The following GRB7 variants were observed in gnomAD, a reference collection of about 807,000 sequenced individuals.
GRB7 encodes growth factor receptor bound protein 7.
GRB7 carries 47 observed loss-of-function variants against 64.1 expected under a neutral mutation model. That is an observed-to-expected ratio of 0.73 (90% CI 0.58 to 0.94). The LOEUF (loss-of-function observed/expected upper bound fraction) is 0.94. GRB7 is among the 40% of genes least tolerant of loss of function. GRB7 has a pLI of 0.00. For synonymous variants in GRB7, 277 were observed against 279.9 expected, an observed-to-expected ratio of 0.99 and a Z score of 0.10; for missense variants, 634 against 718.4, an observed-to-expected ratio of 0.88 and a Z score of 1.34.
At chr17:39,738,634 C>A in intron 1 of GRB7, 1 of 325,660 alleles carries the variant, frequency 3.1e-6, no homozygotes, top group African/African-American at 2.1e-5. Context: ...GGAAGGAAGA[C>A]CTGATTCTCT....
chr17:39,744,770 T>C, intron 8 of GRB7, 107 bp downstream of exon 8: 1 of 1,294,004 alleles, frequency 7.7e-7, no homozygotes, highest in East Asian at 2.4e-5. Flanking sequence ...CCTAGACTCC[T>C]CTCCCTGCAC....
chr17:39,738,968 A>G (rs768940394), intron 1 of GRB7: 1 of 1,473,524 alleles, frequency 6.8e-7, no homozygotes, highest in South Asian at 1.2e-5. Flanking sequence ...ATGGGCAGGA[A>G]GGCTGGAGGG....
Position 39,744,890 on chromosome 17 carries a change from A to T in GRB7, c.917A>T (p.Asn306Ile). The T allele has an allele frequency of 6.2e-7, 1 of 1,613,826 alleles. No individual in the cohort carries two copies. The highest frequency in any genetic ancestry group is 1.3e-5 in the African/African-American group (1 of 75,044). Residue 306 changes from asparagine (N) to isoleucine (I), a missense_variant, in exon 9 of 15, where the codon AAC becomes ATC. Around this residue, in one of 2 missense-constraint regions of GRB7, gnomAD observed 467 missense variants for 576.6 expected, o/e 0.81. Transcript: ENST00000309156. ...PTDFGFCVKP[N>I]KLRNGHKGLR... ...GTCAATTTCCTCTCTCTGCAGCCCA[A>T]CAAGCTTCGAAATGGCCACAAGGGG...
intron 6 of GRB7, 52 bp from the exon 7 acceptor site, chr17:39,744,018 G>A: frequency 1.3e-6 from 2 of 1,597,806 alleles, no homozygotes; most frequent in Non-Finnish European, 8.5e-7. Context: ...GGTGGTAGAG[G>A]GGAAGGGAGG....
Position 39,737,962 on chromosome 17 carries a change from A to T in GRB7, c.-222A>T, listed in dbSNP as rs975507048. On this transcript the variant is annotated 5_prime_UTR_variant, in exon 1 of 15. Coordinates refer to ENST00000309156, the MANE Select transcript of GRB7 (RefSeq NM_005310.5). ...TAGTTTCCTTGGGCCTGGAATCTGG[A>T]CACACAGGGCTCCCCCCCGCCTCTG... The T allele has an allele frequency of 6.6e-6, 1 of 152,186 alleles. No individual in the cohort carries two copies. Among genetic ancestry groups the T allele is most frequent in the Non-Finnish European group, 1.5e-5 (1 of 68,052 alleles). 9.4% of individuals were successfully genotyped at this position (152,186 alleles called of 1,614,324 possible). A position where few individuals can be genotyped will look rare whatever the true frequency, so the allele number is the denominator to read the frequency against.
intron 1 of GRB7, chr17:39,738,919 G>A (rs1425862245): frequency 6.5e-7 from 1 of 1,535,202 alleles, no homozygotes. Flanking sequence ...GGAAAGTGGA[G>A]GCCGGGTGAG....
Position 39,746,896 on chromosome 17 carries a change from G to A in GRB7, c.1598G>A (p.Ter533=), listed in dbSNP as rs143497180. The change falls in exon 15 of 15, where the codon TGA becomes TAA. Residue 533 remains the stop codon, a stop_retained_variant. Coordinates refer to ENST00000309156, the MANE Select transcript of GRB7 (RefSeq NM_005310.5). ...LRHCCTRVAL[*] ...CATTGCTGCACGCGGGTGGCCCTCTGACCAGGCCGTGGACTGGCTCATGCC... is the reference window on the plus strand; with the variant it reads ...CATTGCTGCACGCGGGTGGCCCTCTAACCAGGCCGTGGACTGGCTCATGCC... The A allele has an allele frequency of 1.2e-6, 2 of 1,605,962 alleles. No individual in the cohort carries two copies. Among genetic ancestry groups the A allele is most frequent in the Non-Finnish European group, 1.7e-6 (2 of 1,179,216 alleles).
intron 1 of GRB7, chr17:39,738,953 A>C: frequency 1.0e-5 from 16 of 1,528,574 alleles, no homozygotes; most frequent in Non-Finnish European, 1.4e-5. Context: ...TGGCTTCAGC[A>C]TGAAATGGGC....
rs369490536 is a variant in GRB7 at position 39,746,132 on chromosome 17, A to C, written c.1382A>C (p.Gln461Pro). 1 of 1,613,986 alleles carries C rather than the reference A, an allele frequency of 6.2e-7. No individual in the cohort carries two copies. The highest frequency in any genetic ancestry group is 1.7e-5 in the Admixed American group (1 of 59,996). ...AGCCTGTTCCTGGTCCGGGAGAGTC[A>C]GCGGAACCCCCAGGGCTTTGTCCTC... ...VDGLFLVRES[Q>P]RNPQGFVLSL... is the part of the protein sequence containing the mutation. Residue 461 changes from glutamine to proline, a missense_variant, in exon 14 of 15, where the codon CAG becomes CCG. Gln to Pro is a moderately conservative substitution (Grantham distance 76). Transcript: ENST00000309156.
At chr17:39,746,579 A>T (rs930031093) in intron 14 of GRB7, among the ~76,000 whole-genome samples, 172 bp from the exon 15 acceptor site, 1 of 151,788 alleles carries the variant, frequency 6.6e-6, no homozygotes, top group South Asian at 2.1e-4. Context: ...TGGCACCACC[A>T]CACTCCAGCC....
intron 7 of GRB7, 160 bp downstream of exon 7, chr17:39,744,367 GC>G: frequency 1.1e-6 from 1 of 937,424 alleles, no homozygotes; most frequent in Non-Finnish European, 1.6e-6. Context: ...TAGCTCACCT[GC>G]CCAGGGAGGT....
Position 39,741,408 on chromosome 17 carries a change from C to T in GRB7, c.-50-844C>T, listed in dbSNP as rs1027914549. ...CCCTGCTCTCCCCCTTGCACTGCAGCGGAGCCCGCTCTCCTGCCTTTCTGA... is the reference window on the plus strand; with the variant it reads ...CCCTGCTCTCCCCCTTGCACTGCAGTGGAGCCCGCTCTCCTGCCTTTCTGA... On this transcript the variant is annotated intron_variant, in intron 1 of 14. Transcript: ENST00000309156. 8.8e-4 allele frequency among the ~76,000 whole-genome samples: 134 copies of T among 152,300 alleles called. 1 individual carries two copies. The highest frequency in any genetic ancestry group is 7.6e-3 in the Admixed American group (117 of 15,308).
intron 1 of GRB7, among the ~76,000 whole-genome samples, chr17:39,741,202 A>G (rs2059991469): frequency 6.6e-6 from 1 of 152,136 alleles, no homozygotes; most frequent in Non-Finnish European, 1.5e-5. Flanking sequence ...ACAGTAATGG[A>G]TGATGCGGCC....
chr17:39,744,139 C>G lies in GRB7; in HGVS notation c.733C>G (p.Leu245Val), dbSNP rs2060022109. Residue 245 changes from leucine (L) to valine (V), a missense_variant, in exon 7 of 15, where the codon CTT becomes GTT. By Grantham distance (32) the Leu-to-Val change is conservative. Transcript: ENST00000309156. ...GCAGCTGCGGGGTTCAGGACGGAAG[C>G]TTTGGAAACGCTTTTTCTGCTTCTT... ...FLQLRGSGRKLWKRFFCFLRR... is the reference protein window; with the variant it reads ...FLQLRGSGRKVWKRFFCFLRR... The G allele has an allele frequency of 6.2e-7, 1 of 1,614,010 alleles. No homozygotes were observed. The highest frequency in any genetic ancestry group is 1.1e-5 in the South Asian group (1 of 91,084).
Position 39,742,709 on chromosome 17 carries a change from G to A in GRB7, c.299G>A (p.Arg100His), listed in dbSNP as rs201668668. 32 of 1,557,336 alleles carry A rather than the reference G, an allele frequency of 2.1e-5. No homozygotes were observed. The highest frequency in any genetic ancestry group is 1.7e-4 in the Middle Eastern group (1 of 5,732). ...ARGLLPRDASRPHVVKVYSED... is the reference protein window; with the variant it reads ...ARGLLPRDASHPHVVKVYSED... ...GGGCTGCTCCCCCGCGATGCCAGCC[G>A]CCCCCATGTGAGTTGTCCCTCAGAA... Residue 100 changes from arginine (R) to histidine (H), a missense_variant, in exon 3 of 15, where the codon CGC (arginine) becomes CAC (histidine). Physicochemically the swap from Arg to His is conservative, Grantham distance 29. Around this residue, in one of 2 missense-constraint regions of GRB7, gnomAD observed 167 missense variants for 141.9 expected, o/e 1.18. Transcript: ENST00000309156.
intron 7 of GRB7, 42 bp from the exon 8 acceptor site, chr17:39,744,511 G>A (rs766429432): frequency 8.7e-6 from 13 of 1,496,086 alleles, no homozygotes; most frequent in South Asian, 2.4e-5. Context: ...AATAGTGGGC[G>A]GGATCTACCT....
In GRB7 at chr17:39,746,020, A is replaced by G. The variant is rs1334644859; in HGVS notation, c.1358+20A>G. On this transcript the variant is annotated intron_variant, in intron 13 of 14. Transcript: ENST00000309156. ...AGACGGGTAAGGGGCAGGGCCGGGC[A>G]ACAGACCCAGGGATAAGAGAGACTG... 1 of 1,613,818 alleles carries G rather than the reference A, an allele frequency of 6.2e-7. No homozygotes were observed. The highest frequency in any genetic ancestry group is 1.1e-5 in the South Asian group (1 of 91,088).
In GRB7 at chr17:39,745,968, G is replaced by A; in HGVS notation, c.1326G>A (p.Gln442=). The change falls in exon 13 of 15, where the codon CAG becomes CAA. Residue 442 remains glutamine (Q), a synonymous_variant. Transcript: ENST00000309156. ...FHGRISREES[Q]RLIGQQGLVD... The stretch of plus-strand genomic sequence containing the variant: ...GGCGCATTTCCCGTGAGGAGAGCCA[G>A]CGGCTTATTGGACAGCAGGGCTTGG... 1 of 1,614,086 alleles carries A rather than the reference G, an allele frequency of 6.2e-7. No individual in the cohort carries two copies. The highest frequency in any genetic ancestry group is 1.3e-5 in the African/African-American group (1 of 75,058).
rs373595947 is a variant in GRB7, at chr17:39,743,040, C to A, written c.449C>A (p.Pro150His). The change falls in exon 4 of 15, where the codon CCC becomes CAC. Residue 150 changes from proline to histidine, a missense_variant. Coordinates refer to ENST00000309156, the MANE Select transcript of GRB7 (RefSeq NM_005310.5). ...DETWGLVECHPHLALERGLED... is the reference protein window; with the variant it reads ...DETWGLVECHHHLALERGLED... The stretch of plus-strand genomic sequence containing the variant: ...ACCTGGGGGCTGGTGGAGTGCCACC[C>A]CCACCTAGCACTGGGTAAGTCAGGT... The A allele has an allele frequency of 3.1e-6, 5 of 1,606,360 alleles. No individual in the cohort carries two copies. In the African/African-American group the frequency reaches 6.7e-5, roughly 21 times the overall value.
Sources: allele counts gnomAD v4.1 joint callset (sites outside exome capture counted in the v4.1 genomes callset), GRCh38; gene constraint gnomAD v4.1.1; regional missense constraint gnomAD v4.1.1; transcripts MANE v1.5; gene names NCBI Gene and HGNC (gene_info 2026-07-23, HGNC 2026-07-21).